Variants in TUT4 observed in about 807,000 individuals in gnomAD.
TUT4 encodes terminal uridylyltransferase 4.
A neutral mutation model predicts 192.2 loss-of-function variants in TUT4; 36 were observed. That is an observed-to-expected ratio of 0.19 (90% CI 0.14 to 0.25). The LOEUF is 0.25. Among genes scored for constraint, TUT4 ranks in the 10% least tolerant of loss-of-function variants. The probability of loss-of-function intolerance (pLI) is 1.00; values close to 1 mark genes in which losing one functional copy is unlikely to be tolerated. For missense variants in TUT4, 1,493 were observed against 1,957.2 expected, an observed-to-expected ratio of 0.76 and a Z score of 4.47; for synonymous variants, 618 against 666.0, an observed-to-expected ratio of 0.93 and a Z score of 1.11.
At chr1:52,553,380 G>A (rs1558056352), upstream of TUT4, 1 of 152,134 alleles carries the variant, frequency 6.6e-6, no homozygotes, top group African/African-American at 2.4e-5. Context: ...GTCTCGTGGT[G>A]GCCGCGAAGA....
intron 2 of TUT4, among the ~76,000 whole-genome samples, chr1:52,518,253 A>G (rs1366043657): frequency 6.6e-6 from 1 of 152,254 alleles, no homozygotes; most frequent in Non-Finnish European, 1.5e-5. Context: ...AATATTATTC[A>G]GGTGTCATAG....
intron 4 of TUT4, among the ~76,000 whole-genome samples, 194 bp from the exon 5 acceptor site, chr1:52,497,377 C>T (rs1478028950): frequency 6.6e-6 from 1 of 152,166 alleles, no homozygotes; most frequent in African/African-American, 2.4e-5. Context: ...ATGAGAGGTA[C>T]TGTGTGGGGA....
chr1:52,425,553 A>C, intron 28 of TUT4, 46 bp from the exon 29 acceptor site: 1 of 1,542,074 alleles, frequency 6.5e-7, no homozygotes. Context: ...ACATTAGTTC[A>C]TTCATTGAAA....
rs1019138421 is a variant in TUT4, at chr1:52,423,494, T to C, written c.*441A>G. 1 of 189,058 alleles carries C rather than the reference T, an allele frequency of 5.3e-6. No homozygotes were observed. Among genetic ancestry groups the C allele is most frequent in the South Asian group, 8.7e-5 (1 of 11,556 alleles). The allele number at this position is 189,058 out of a possible 1,614,324, so 11.7% of individuals were successfully genotyped here. ...AATAGAAGTGACAATTTAAAACACA[T>C]GAAATTCTTTCCTAACTTTTAAGAA... On this transcript the variant is annotated 3_prime_UTR_variant, in exon 30 of 30. Coordinates refer to ENST00000257177, the MANE Select transcript of TUT4 (RefSeq NM_001009881.3).
At chr1:52,493,473 G>A in intron 7 of TUT4, 138 bp downstream of exon 7, 3 of 591,868 alleles carry the variant, frequency 5.1e-6, no homozygotes, top group Middle Eastern at 4.8e-4. Context: ...GTGTGTGTAT[G>A]TATCTCCATT....
intron 4 of TUT4, among the ~76,000 whole-genome samples, chr1:52,508,781 T>C (rs1330082302): frequency 6.6e-6 from 1 of 152,230 alleles, no homozygotes; most frequent in Non-Finnish European, 1.5e-5. Context: ...TTACTGCTGT[T>C]GTAACTTTAA....
At chr1:52,508,326 C>CT (rs1571098300) in intron 4 of TUT4, among the ~76,000 whole-genome samples, 1 of 120,284 alleles carries the variant, frequency 8.3e-6, no homozygotes, top group Non-Finnish European at 1.7e-5. Flanking sequence ...GACTCTGTCT[C>CT]CAAAAAAAAA....
In TUT4 at chr1:52,438,303, A is replaced by G; in HGVS notation, c.3855T>C (p.Asp1285=). The G allele has an allele frequency of 6.2e-7, 1 of 1,613,900 alleles. No individual in the cohort carries two copies. Among genetic ancestry groups the G allele is most frequent in the Middle Eastern group, 1.7e-4 (1 of 6,058 alleles). ...EYFFDSRVLT[D]GELAPNDRCC... ...ATCTATCATTGGGAGCCAGTTCTCC[A>G]TCTGTTAATACTCTGGAATCAAAGA... Residue 1285 remains aspartate (D), a synonymous_variant, in exon 25 of 30, where the codon GAT becomes GAC. Transcript: ENST00000257177.
intron 14 of TUT4, 102 bp downstream of exon 14, chr1:52,471,850 T>C: frequency 7.7e-7 from 1 of 1,300,018 alleles, no homozygotes; most frequent in Non-Finnish European, 1.0e-6. Flanking sequence ...CAAAAACCTC[T>C]AGCAAAACAA....
intron 14 of TUT4, among the ~76,000 whole-genome samples, chr1:52,469,286 G>A (rs551403884): frequency 4.6e-5 from 7 of 152,272 alleles, no homozygotes; most frequent in South Asian, 2.1e-4. Flanking sequence ...AACTTCACAT[G>A]AGGGAGTGGG....
chr1:52,425,593 G>C, intron 28 of TUT4, 86 bp from the exon 29 acceptor site: 2 of 1,412,416 alleles, frequency 1.4e-6, no homozygotes, highest in Non-Finnish European at 1.9e-6. Context: ...GATATATTCA[G>C]TACCTACCAT....
chr1:52,435,398 A>G lies in TUT4; in HGVS notation c.4230T>C (p.Asp1410=), dbSNP rs938464134. ...ATGACTGTCTAGTCCTTATGGACTG[A>G]TCACCCTGTTGCTGAGCTGAACCAG... The part of the protein sequence containing the change: ...QVAGSAQQQG[D]QSIRTRQSSE... Residue 1410 remains aspartate (D), a synonymous_variant, in exon 27 of 30, where the codon GAT becomes GAC. Coordinates refer to ENST00000257177, the MANE Select transcript of TUT4 (RefSeq NM_001009881.3). 2.8e-5 allele frequency: 46 copies of G among 1,614,062 alleles called. No individual in the cohort carries two copies. Among genetic ancestry groups the G allele is most frequent in the Non-Finnish European group, 3.6e-5 (43 of 1,180,020 alleles).
intron 6 of TUT4, among the ~76,000 whole-genome samples, chr1:52,494,999 TATATTA>T (rs1250650408): frequency 2.0e-5 from 3 of 152,118 alleles, no homozygotes; most frequent in Admixed American, 6.5e-5. Flanking sequence ...ACACCTGACA[TATATTA>T]ATATTATCTC....
intron 3 of TUT4, among the ~76,000 whole-genome samples, chr1:52,512,019 C>T (rs1223240380): frequency 6.6e-6 from 1 of 151,974 alleles, no homozygotes; most frequent in East Asian, 1.9e-4. Context: ...ATACAGAATA[C>T]CTAAAGCCCT....
intron 7 of TUT4, 56 bp downstream of exon 7, chr1:52,493,555 A>T (rs1570925166): frequency 8.1e-7 from 1 of 1,240,650 alleles, no homozygotes; most frequent in East Asian, 2.6e-5. Context: ...CAACACATGT[A>T]CCTTTAGAAA....
chr1:52,541,530 TC>T lies in TUT4; in HGVS notation c.-94+11400del, dbSNP rs750964150. Among the ~76,000 whole-genome samples, 140 of 143,160 alleles carry T rather than the reference TC, an allele frequency of 9.8e-4. 1 individual carries two copies. Among genetic ancestry groups the T allele is most frequent in the Non-Finnish European group, 1.6e-3 (107 of 66,820 alleles). 93.9% of individuals were successfully genotyped at this position (143,160 alleles called of 152,430 possible). On this transcript the variant is annotated intron_variant, in intron 1 of 29. Coordinates refer to ENST00000257177, the MANE Select transcript of TUT4 (RefSeq NM_001009881.3). ...CTGGGTGACAGAGCGAGACTCCGTC[TC>T]AAAAAAAAAAAAGAAAGAAACTCCT... is the stretch of plus-strand genomic sequence containing the variant.
At chr1:52,455,782 A>G (rs1660755219) in intron 20 of TUT4, among the ~76,000 whole-genome samples, 1 of 152,076 alleles carries the variant, frequency 6.6e-6, no homozygotes, top group Non-Finnish European at 1.5e-5. Context: ...AATCCAGAAC[A>G]TGGACAAGTA....
chr1:52,424,135 C>G (rs1251886095), intron 29 of TUT4, 133 bp from the exon 30 acceptor site: 5 of 839,228 alleles, frequency 6.0e-6, no homozygotes, highest in African/African-American at 1.7e-5. Context: ...TGCTGCAAAA[C>G]ATTTGAGAGG....
intron 6 of TUT4, among the ~76,000 whole-genome samples, chr1:52,494,064 A>C (rs1194544534): frequency 6.6e-6 from 1 of 151,852 alleles, no homozygotes; most frequent in East Asian, 1.9e-4. Flanking sequence ...TTGCCTCCCA[A>C]AGCACGGGAA....
Sources: allele counts gnomAD v4.1 joint callset (sites outside exome capture counted in the v4.1 genomes callset), GRCh38; gene constraint gnomAD v4.1.1; transcripts MANE v1.5; gene names NCBI Gene and HGNC (gene_info 2026-07-23, HGNC 2026-07-21).